Variants in VPS54 observed in about 807,000 individuals in gnomAD.
VPS54 encodes VPS54 subunit of GARP complex, also known as vacuolar protein sorting-associated protein 54.
VPS54 carries 45 observed loss-of-function variants against 121.5 expected under a neutral mutation model. That is an observed-to-expected ratio of 0.37 (90% CI 0.29 to 0.47). The LOEUF is 0.47. Ranked by LOEUF, VPS54 falls within the 20% of genes least tolerant of loss-of-function variation. VPS54 has a pLI of 0.99. For missense variants in VPS54, 1,090 were observed against 1,131.4 expected (o/e 0.96, Z 0.52); for synonymous variants, 371 against 385.8 (o/e 0.96, Z 0.45).
intron 10 of VPS54, 73 bp from the exon 11 acceptor site, chr2:63,942,634 G>T: frequency 8.1e-7 from 1 of 1,230,180 alleles, no homozygotes; most frequent in Non-Finnish European, 1.1e-6. Flanking sequence ...CAAACTGGAA[G>T]AAATGAGACT....
At chr2:63,938,398 A>C (rs921647904) in intron 11 of VPS54, among the ~76,000 whole-genome samples, 1 of 152,142 alleles carries the variant, frequency 6.6e-6, no homozygotes, top group African/African-American at 2.4e-5. Flanking sequence ...CACAGGATGA[A>C]GGCTGGTCAC....
chr2:63,954,419 T>G (rs1675397138), intron 7 of VPS54, among the ~76,000 whole-genome samples: 1 of 152,140 alleles, frequency 6.6e-6, no homozygotes. Context: ...GATTTCCAAT[T>G]CGTTATTTTG....
In VPS54 at chr2:63,942,472, C is replaced by A. The variant is rs1381364211; in HGVS notation, c.1391G>T (p.Arg464Ile). The change falls in exon 11 of 23, where the codon AGA becomes ATA. Residue 464 changes from arginine (R) to isoleucine (I), a missense_variant. Transcript: ENST00000272322. ...IFSKFTIFLQRVKATLNIIHS... is the reference protein window; with the variant it reads ...IFSKFTIFLQIVKATLNIIHS... ...ACTAATTTATAAGCTTACCTTCACT[C>A]TCTGTAGGAAAATTGTAAACTTAGA... The A allele has an allele frequency of 6.3e-7, 1 of 1,585,268 alleles. No homozygotes were observed. Among genetic ancestry groups the A allele is most frequent in the African/African-American group, 1.3e-5 (1 of 74,086 alleles).
chr2:63,916,778 T>G (rs1673398285), intron 16 of VPS54, 122 bp downstream of exon 16: 1 of 857,648 alleles, frequency 1.2e-6, no homozygotes, highest in African/African-American at 1.7e-5. Context: ...TTAAAACAGT[T>G]AATCCAAATT....
chr2:63,917,416 CAAGTT>C (rs1424767210), intron 15 of VPS54, among the ~76,000 whole-genome samples: 1 of 151,968 alleles, frequency 6.6e-6, no homozygotes, highest in African/African-American at 2.4e-5. Context: ...TTATAGAATA[CAAGTT>C]AATTTCTAAA....
At chr2:63,916,826 C>T (rs1431536702) in intron 16 of VPS54, 74 bp downstream of exon 16, 48 of 1,442,568 alleles carry the variant, frequency 3.3e-5, no homozygotes, top group Non-Finnish European at 4.7e-5. Context: ...ATTTCCAATT[C>T]ACTTCAAGGG....
At chr2:63,929,289 A>C (rs1349791388) in intron 12 of VPS54, among the ~76,000 whole-genome samples, 1 of 152,192 alleles carries the variant, frequency 6.6e-6, no homozygotes, top group Non-Finnish European at 1.5e-5. Context: ...AGCAAATGTA[A>C]AAGAACAGAA....
chr2:63,899,279 G>T (rs568112013), intron 21 of VPS54, among the ~76,000 whole-genome samples, 195 bp downstream of exon 21: 2 of 152,102 alleles, frequency 1.3e-5, no homozygotes, highest in Admixed American at 1.3e-4. Context: ...TCTAGCTCTG[G>T]TCTGTCACTG....
At chr2:63,942,325 A>T in intron 11 of VPS54, 140 bp downstream of exon 11, 1 of 541,888 alleles carries the variant, frequency 1.8e-6, no homozygotes, top group Non-Finnish European at 3.0e-6. Flanking sequence ...ATTTTTATTT[A>T]AAAACAAGCC....
At chr2:63,897,648 G>A (rs1464897710) in intron 21 of VPS54, 58 bp from the exon 22 acceptor site, 2 of 1,019,476 alleles carry the variant, frequency 2.0e-6, no homozygotes, top group Non-Finnish European at 2.9e-6. Context: ...AGATATCTGA[G>A]TTATCAATAT....
At chr2:63,934,995 G>T (rs974752993) in intron 11 of VPS54, among the ~76,000 whole-genome samples, 1 of 152,046 alleles carries the variant, frequency 6.6e-6, no homozygotes, top group African/African-American at 2.4e-5. Context: ...ATGGTTCTAG[G>T]GAAGCAGACT....
chr2:63,989,003 G>A (rs548220084), intron 1 of VPS54, among the ~76,000 whole-genome samples: 163 of 152,244 alleles, frequency 1.1e-3, no homozygotes, highest in African/African-American at 3.1e-3. Flanking sequence ...ATTCTCGGCC[G>A]GGAAGGGGGG....
intron 12 of VPS54, among the ~76,000 whole-genome samples, chr2:63,927,086 G>A (rs1673940791): frequency 6.6e-6 from 1 of 152,190 alleles, no homozygotes; most frequent in Admixed American, 6.5e-5. Context: ...GGGCACAGCT[G>A]AACAAAAGGC....
At chr2:63,969,027 C>T in intron 4 of VPS54, 36 bp from the exon 5 acceptor site, 1 of 1,546,482 alleles carries the variant, frequency 6.5e-7, no homozygotes, top group Non-Finnish European at 8.9e-7. Flanking sequence ...ATTTTTAAAA[C>T]TTGTTTTCAT....
At chr2:63,925,556 A>G (rs1673858820) in intron 12 of VPS54, among the ~76,000 whole-genome samples, 1 of 152,224 alleles carries the variant, frequency 6.6e-6, no homozygotes, top group Non-Finnish European at 1.5e-5. Flanking sequence ...AGGTATCTAG[A>G]AGAATGTTCG....
chr2:63,986,269 G>GCC lies in VPS54; in HGVS notation c.-20-2252_-20-2251dup, dbSNP rs1677045183. Among the ~76,000 whole-genome samples the GCC allele has an allele frequency of 2.0e-5, 3 of 151,580 alleles. No homozygotes were observed. In the South Asian group the frequency reaches 6.3e-4, roughly 32 times the overall value. On this transcript the variant is annotated intron_variant, in intron 1 of 22. Transcript: ENST00000272322. ...TAACCACCACTACCTTCTCCTCCAG[G>GCC]CCCCCTTCCCCCACACTTATCCTTC...
intron 4 of VPS54, among the ~76,000 whole-genome samples, chr2:63,970,244 TATATATATAG>T (rs56662650): frequency 0.17 from 16,937 of 97,524 alleles, 2,059 homozygotes; most frequent in African/African-American, 0.39. Context: ...CACATTCTAA[TATATATATAG>T]ATATATATAG....
At chr2:63,916,205 T>C (rs1034215111) in intron 16 of VPS54, among the ~76,000 whole-genome samples, 1 of 152,150 alleles carries the variant, frequency 6.6e-6, no homozygotes, top group African/African-American at 2.4e-5. Context: ...AAAGATCAAA[T>C]GAGATCACAT....
rs371213503 is a variant in VPS54 at position 63,999,272 on chromosome 2, G to A, written c.-20-15253C>T. ...GCCAGCTCTTTAGCATTTCTTGTAGGACAGGTCTGGAGCTGATGAAATCCC... is the reference window on the plus strand; with the variant it reads ...GCCAGCTCTTTAGCATTTCTTGTAGAACAGGTCTGGAGCTGATGAAATCCC... On this transcript the variant is annotated intron_variant, in intron 1 of 22. Coordinates refer to ENST00000272322, the MANE Select transcript of VPS54 (RefSeq NM_016516.3). 1.4e-4 allele frequency among the ~76,000 whole-genome samples: 22 copies of A among 152,280 alleles called. No individual in the cohort carries two copies. In the East Asian group the frequency reaches 2.3e-3, roughly 16 times the overall value.
Sources: gnomAD v4.1 joint callset for allele counts (sites outside exome capture counted in the v4.1 genomes callset) on GRCh38, gnomAD v4.1.1 for gene constraint, MANE v1.5 for transcripts, NCBI Gene and HGNC (gene_info 2026-07-23, HGNC 2026-07-21) for gene names.